Variants in ARMC8 observed in about 807,000 individuals in gnomAD.
ARMC8 encodes the protein armadillo repeat-containing protein 8.
In ARMC8, 20 loss-of-function variants were observed where a neutral mutation model predicts 99.3. That is an observed-to-expected ratio of 0.20 (90% CI 0.14 to 0.29). The LOEUF is 0.29. Ranked by LOEUF, ARMC8 falls within the 10% of genes least tolerant of loss-of-function variation. ARMC8 has a pLI of 1.00. For synonymous variants in ARMC8, 263 were observed against 278.3 expected, an observed-to-expected ratio of 0.95 and a Z score of 0.55; for missense variants, 569 against 809.5, an observed-to-expected ratio of 0.70 and a Z score of 3.60.
chr3:138,190,086 C>G (rs1435993312), intron 1 of ARMC8, among the ~76,000 whole-genome samples: 1 of 152,116 alleles, frequency 6.6e-6, no homozygotes, highest in Non-Finnish European at 1.5e-5. Context: ...TGTGCCTGCA[C>G]TACCACAGCG....
At chr3:138,283,222 A>G (rs6797207) in intron 18 of ARMC8, among the ~76,000 whole-genome samples, 7,773 of 152,290 alleles carry the variant, frequency 0.051, 669 homozygotes, top group African/African-American at 0.18. Context: ...ATAAAACCAC[A>G]CACGCTTTAG....
chr3:138,284,414 C>T lies in ARMC8; in HGVS notation c.1726-17C>T, dbSNP rs1193555408. 10 of 1,599,266 alleles carry T rather than the reference C, an allele frequency of 6.3e-6. No individual in the cohort carries two copies. In the South Asian group the frequency reaches 1.1e-4, roughly 18 times the overall value. ...CTTCAGAGCTTTCCTGACTGTTGGC[C>T]CTTTGTTCTTTTCCAGACACTGTGC... On this transcript the variant is annotated splice_polypyrimidine_tract_variant and intron_variant, in intron 18 of 21. Transcript: ENST00000469044.
intron 1 of ARMC8, among the ~76,000 whole-genome samples, chr3:138,191,213 T>C (rs1382658708): frequency 1.3e-5 from 2 of 152,174 alleles, no homozygotes; most frequent in Admixed American, 6.5e-5. Flanking sequence ...TTTTGGAGGG[T>C]TGGACAAACT....
At chr3:138,273,686 T>C (rs1201897235) in intron 17 of ARMC8, among the ~76,000 whole-genome samples, 1 of 152,212 alleles carries the variant, frequency 6.6e-6, no homozygotes, top group African/African-American at 2.4e-5. Flanking sequence ...TGAGGAAATA[T>C]GAGTGGTTCC....
chr3:138,296,165 A>G lies in ARMC8; in HGVS notation c.*273A>G, dbSNP rs2051464546. 1 of 367,848 alleles carries G rather than the reference A, an allele frequency of 2.7e-6. No homozygotes were observed. Among genetic ancestry groups the G allele is most frequent in the South Asian group, 4.2e-5 (1 of 23,914 alleles). 22.8% of individuals were successfully genotyped at this position (367,848 alleles called of 1,614,324 possible). On this transcript the variant is annotated 3_prime_UTR_variant, in exon 22 of 22. Coordinates refer to ENST00000469044, the MANE Select transcript of ARMC8 (RefSeq NM_001363941.2). Reference sequence around the variant, plus strand: ...AGAACAATCAATCATTTTCCTTTGGACCTACAATTTTTGCCTATGCTGCAG... The same window carrying G: ...AGAACAATCAATCATTTTCCTTTGGGCCTACAATTTTTGCCTATGCTGCAG...
At chr3:138,223,309 G>A in intron 3 of ARMC8, 80 bp from the exon 4 acceptor site, 2 of 1,321,658 alleles carry the variant, frequency 1.5e-6, no homozygotes, top group Non-Finnish European at 2.1e-6. Context: ...TTAGTATGTG[G>A]ACTGCACAGC....
At chr3:138,239,683 T>C (rs936873518) in intron 10 of ARMC8, among the ~76,000 whole-genome samples, 155 bp downstream of exon 10, 4 of 152,206 alleles carry the variant, frequency 2.6e-5, no homozygotes, top group Non-Finnish European at 4.4e-5. Context: ...TTTCAGTGGA[T>C]GTCATATAGT....
intron 21 of ARMC8, among the ~76,000 whole-genome samples, chr3:138,292,519 C>T (rs2051061790): frequency 5.3e-5 from 8 of 152,080 alleles, no homozygotes; most frequent in Admixed American, 5.2e-4. Context: ...TGAAGATAAG[C>T]ACCAACGGGA....
At chr3:138,288,200 G>T (rs1014016231) in intron 19 of ARMC8, among the ~76,000 whole-genome samples, 2 of 152,170 alleles carry the variant, frequency 1.3e-5, no homozygotes, top group African/African-American at 4.8e-5. Flanking sequence ...TTGTGTGTGT[G>T]TGAAAGTCTA....
intron 10 of ARMC8, among the ~76,000 whole-genome samples, chr3:138,239,919 C>G (rs143301843): frequency 4.5e-4 from 69 of 152,282 alleles, no homozygotes; most frequent in African/African-American, 1.4e-3. Context: ...ATATCATTCT[C>G]ATAGCTGATA....
chr3:138,246,009 A>T, intron 12 of ARMC8: 1 of 985,332 alleles, frequency 1.0e-6, no homozygotes, highest in Non-Finnish European at 1.2e-6. Context: ...ACTGAACATG[A>T]TGATTTACTA....
At chr3:138,207,247 A>C (rs985711843) in intron 1 of ARMC8, among the ~76,000 whole-genome samples, 3 of 152,208 alleles carry the variant, frequency 2.0e-5, no homozygotes, top group African/African-American at 7.2e-5. Flanking sequence ...TGTCCTCCTC[A>C]GTGCCGCCTT....
chr3:138,210,038 A>G, intron 2 of ARMC8, 145 bp downstream of exon 2: 1 of 538,354 alleles, frequency 1.9e-6, no homozygotes, highest in South Asian at 3.3e-5. Context: ...GACATTCATG[A>G]CGTTTAATAT....
intron 14 of ARMC8, among the ~76,000 whole-genome samples, chr3:138,266,808 G>T (rs929898618): frequency 6.6e-6 from 1 of 152,116 alleles, no homozygotes; most frequent in Non-Finnish European, 1.5e-5. Context: ...CTCATAAGGG[G>T]CTTGACTGAT....
At chr3:138,288,934 G>C in intron 19 of ARMC8, 114 bp from the exon 20 acceptor site, 2 of 780,992 alleles carry the variant, frequency 2.6e-6, no homozygotes, top group Non-Finnish European at 4.2e-6. Context: ...ACCTCACCTG[G>C]CCCTGCTTCA....
chr3:138,223,455 G>A lies in ARMC8; in HGVS notation c.261G>A (p.Leu87=). 1 of 1,614,138 alleles carries A rather than the reference G, an allele frequency of 6.2e-7. No homozygotes were observed. The highest frequency in any genetic ancestry group is 8.5e-7 in the Non-Finnish European group (1 of 1,179,994). Residue 87 remains leucine, a synonymous_variant, in exon 4 of 22, where the codon TTG becomes TTA. Coordinates refer to ENST00000469044, the MANE Select transcript of ARMC8 (RefSeq NM_001363941.2). ...TGAAAACTGAATGTGCAGTGGTGTT[G>A]GGAAGTCTTGCTATGGGTACTGAAA... is the stretch of plus-strand genomic sequence containing the variant. ...TELKTECAVV[L]GSLAMGTENN...
intron 5 of ARMC8, 77 bp downstream of exon 5, chr3:138,223,810 C>G (rs2045534079): frequency 8.3e-7 from 1 of 1,199,606 alleles, no homozygotes; most frequent in Non-Finnish European, 1.2e-6. Context: ...CATCTTCAGA[C>G]TCATCATAAC....
rs1010624356 is a variant in ARMC8 at position 138,263,964 on chromosome 3, C to G, written c.1217+143C>G. On this transcript the variant is annotated intron_variant, in intron 13 of 21. Coordinates refer to ENST00000469044, the MANE Select transcript of ARMC8 (RefSeq NM_001363941.2). ...GAATTCATAGAGTATATAACATTGT[C>G]TAACAGAGAGCCTGGCCTCCAAACC... The G allele has an allele frequency of 1.5e-5, 15 of 969,990 alleles. No individual in the cohort carries two copies. In the Admixed American group the frequency reaches 2.2e-4, roughly 14 times the overall value. 60.1% of individuals were successfully genotyped at this position (969,990 alleles called of 1,614,324 possible). A position where few individuals can be genotyped will look rare whatever the true frequency, so the allele number is the denominator to read the frequency against.
chr3:138,229,318 A>G (rs1196419486), intron 6 of ARMC8, among the ~76,000 whole-genome samples: 2 of 148,462 alleles, frequency 1.3e-5, no homozygotes, highest in Admixed American at 6.7e-5. Context: ...ATCAGTACAT[A>G]AGGACCTCTC....
Sources: allele counts gnomAD v4.1 joint callset (sites outside exome capture counted in the v4.1 genomes callset), GRCh38; gene constraint gnomAD v4.1.1; transcripts MANE v1.5; gene names NCBI Gene and HGNC (gene_info 2026-07-23, HGNC 2026-07-21).